The following GRM8 variants were observed in gnomAD, a reference collection of about 807,000 sequenced individuals.
GRM8 encodes the protein glutamate metabotropic receptor 8, also known as metabotropic glutamate receptor 8.
Under a neutral mutation model 87.2 loss-of-function variants are expected in GRM8, and 47 were observed. That is an observed-to-expected ratio of 0.54 (90% CI 0.43 to 0.69). The LOEUF (loss-of-function observed/expected upper bound fraction) is 0.69. GRM8 is among the 30% of genes least tolerant of loss of function. The probability of loss-of-function intolerance (pLI) is 0.00; values close to 1 mark genes in which losing one functional copy is unlikely to be tolerated. For synonymous variants in GRM8, 396 were observed against 404.5 expected (o/e 0.98, Z 0.25); for missense variants, 1,019 against 1,139.2 (o/e 0.89, Z 1.52).
At chr7:127,003,464 C>A (rs1387735494) in intron 3 of GRM8, among the ~76,000 whole-genome samples, 1 of 151,700 alleles carries the variant, frequency 6.6e-6, no homozygotes. Flanking sequence ...TCCCTTCCCA[C>A]CCACATGAAG....
intron 7 of GRM8, among the ~76,000 whole-genome samples, chr7:126,658,671 C>A (rs1183893552): frequency 1.3e-5 from 2 of 151,384 alleles, no homozygotes; most frequent in African/African-American, 4.9e-5. Context: ...ACTTTTTACA[C>A]CAGGGAACCA....
At chr7:126,976,542 C>T (rs1811005551) in intron 3 of GRM8, among the ~76,000 whole-genome samples, 1 of 151,984 alleles carries the variant, frequency 6.6e-6, no homozygotes, top group Admixed American at 6.6e-5. Flanking sequence ...TGCAGTGAAC[C>T]GAGATGGCGC....
intron 9 of GRM8, among the ~76,000 whole-genome samples, chr7:126,466,266 T>C (rs1804494790): frequency 6.6e-6 from 1 of 151,876 alleles, no homozygotes; most frequent in South Asian, 2.1e-4. Context: ...AGGTTATTAA[T>C]AGGATATAAG....
chr7:126,783,203 A>G (rs1365352801), intron 6 of GRM8, among the ~76,000 whole-genome samples: 5 of 152,188 alleles, frequency 3.3e-5, no homozygotes, highest in Non-Finnish European at 5.9e-5. Flanking sequence ...TAAAATCCCT[A>G]TGGAAGACTG....
chr7:126,722,949 A>G (rs996974591), intron 7 of GRM8, among the ~76,000 whole-genome samples: 6 of 138,282 alleles, frequency 4.3e-5, no homozygotes, highest in Non-Finnish European at 9.0e-5. Context: ...GTTATAGATA[A>G]TATATAATAT....
At chr7:127,115,119 C>G (rs1826624509) in intron 2 of GRM8, among the ~76,000 whole-genome samples, 1 of 152,134 alleles carries the variant, frequency 6.6e-6, no homozygotes, top group African/African-American at 2.4e-5. Context: ...CTGACCTCTC[C>G]CTCATACACA....
intron 6 of GRM8, among the ~76,000 whole-genome samples, chr7:126,857,913 C>T (rs117353425): frequency 0.024 from 3,645 of 152,116 alleles, 72 homozygotes; most frequent in Non-Finnish European, 0.033. Flanking sequence ...CCTGCCACTA[C>T]ATTTCCAGCC....
chr7:126,682,609 A>G (rs940262177), intron 7 of GRM8, among the ~76,000 whole-genome samples: 1 of 152,240 alleles, frequency 6.6e-6, no homozygotes, highest in Non-Finnish European at 1.5e-5. Context: ...ATATTTTAGC[A>G]AAGACAGTTT....
intron 9 of GRM8, among the ~76,000 whole-genome samples, chr7:126,482,665 T>TAA (rs1806836834): frequency 6.6e-6 from 1 of 152,052 alleles, no homozygotes; most frequent in African/African-American, 2.4e-5. Context: ...AGATATTGTT[T>TAA]AATGGGTATA....
chr7:127,147,993 T>A (rs1234699021), intron 2 of GRM8, among the ~76,000 whole-genome samples: 1 of 152,088 alleles, frequency 6.6e-6, no homozygotes, highest in Admixed American at 6.6e-5. Flanking sequence ...TGAACCAGCA[T>A]CATCTGGAAA....
At chr7:126,439,313 C>A (rs936013961) in intron 10 of GRM8, 145 bp from the exon 11 acceptor site, 7 of 613,916 alleles carry the variant, frequency 1.1e-5, no homozygotes, top group Non-Finnish European at 8.8e-6. Flanking sequence ...AAACCATTCA[C>A]AGTCATGCAC....
chr7:127,120,234 T>C (rs1217238358), intron 2 of GRM8, among the ~76,000 whole-genome samples: 1 of 152,328 alleles, frequency 6.6e-6, no homozygotes, highest in Non-Finnish European at 1.5e-5. Context: ...CCCTTTTTTA[T>C]ACCTCTCAGT....
At chr7:127,200,004 G>A (rs1359749766) in intron 2 of GRM8, among the ~76,000 whole-genome samples, 1 of 152,170 alleles carries the variant, frequency 6.6e-6, no homozygotes, top group Non-Finnish European at 1.5e-5. Flanking sequence ...TTAGAGAAGA[G>A]AAATAAAGCT....
rs867521555 is a variant in GRM8 at position 127,015,052 on chromosome 7, G to C, written c.727+91444C>G. On this transcript the variant is annotated intron_variant, in intron 3 of 10. Coordinates refer to ENST00000339582, the MANE Select transcript of GRM8 (RefSeq NM_000845.3). ...AGAAGAAGAAGAAGAAGAAGAAGAA[G>C]AAGAAGAAGAAGAAGAAAGAAAGAA... Among the ~76,000 whole-genome samples, 36 of 119,150 alleles carry C rather than the reference G, an allele frequency of 3.0e-4. 1 individual carries two copies. The highest frequency in any genetic ancestry group is 4.3e-3 in the Middle Eastern group (1 of 232). The allele number at this position is 119,150 out of a possible 152,430, so 78.2% of individuals were successfully genotyped here.
chr7:126,738,832 G>C (rs998419290), intron 7 of GRM8, among the ~76,000 whole-genome samples: 15 of 149,400 alleles, frequency 1.0e-4, no homozygotes, highest in Non-Finnish European at 2.1e-4. Context: ...AGAAGGAAAA[G>C]AAGGAAAAAA....
chr7:126,577,864 GC>G (rs1284433700), intron 8 of GRM8, among the ~76,000 whole-genome samples: 3 of 150,318 alleles, frequency 2.0e-5, no homozygotes, highest in Non-Finnish European at 4.4e-5. Flanking sequence ...TTCTCATTTT[GC>G]AGCTGCCCCA....
chr7:126,626,386 G>A (rs551397634), intron 7 of GRM8, among the ~76,000 whole-genome samples: 2 of 152,166 alleles, frequency 1.3e-5, no homozygotes, highest in African/African-American at 4.8e-5. Flanking sequence ...TAATATACCT[G>A]TAGTTGACAT....
At chr7:126,588,751 T>C (rs1023078325) in intron 8 of GRM8, among the ~76,000 whole-genome samples, 6 of 151,986 alleles carry the variant, frequency 3.9e-5, no homozygotes, top group African/African-American at 1.5e-4. Context: ...CACAGACCCT[T>C]TGAAGGAAGC....
At chr7:126,674,351 A>T (rs1806713154) in intron 7 of GRM8, among the ~76,000 whole-genome samples, 1 of 152,220 alleles carries the variant, frequency 6.6e-6, no homozygotes. Flanking sequence ...TCTCCCCTAA[A>T]TAAGAGGGTA....
Sources: gnomAD v4.1 joint callset for allele counts (sites outside exome capture counted in the v4.1 genomes callset) on GRCh38, gnomAD v4.1.1 for gene constraint, MANE v1.5 for transcripts, NCBI Gene and HGNC (gene_info 2026-07-23, HGNC 2026-07-21) for gene names.